The following PLXNA4 variants were observed in gnomAD, a reference collection of about 807,000 sequenced individuals.
PLXNA4 encodes plexin A4, also known as plexin-A4.
In PLXNA4, 44 loss-of-function variants were observed where a neutral mutation model predicts 191.8. That is an observed-to-expected ratio of 0.23 (90% CI 0.18 to 0.29). The LOEUF (loss-of-function observed/expected upper bound fraction) is 0.29, where lower values mean the gene tolerates loss of function less well. PLXNA4 is among the 10% of genes least tolerant of loss of function. The pLI, the probability that PLXNA4 is intolerant of heterozygous loss-of-function variation, is 1.00. For missense variants in PLXNA4, 1,800 were observed against 2,488.8 expected, an observed-to-expected ratio of 0.72 and a Z score of 5.89; for synonymous variants, 1,082 against 1,009.5, an observed-to-expected ratio of 1.07 and a Z score of -1.36.
intron 3 of PLXNA4, among the ~76,000 whole-genome samples, chr7:132,405,088 G>GTA (rs1045655509): frequency 1.5e-4 from 22 of 151,692 alleles, no homozygotes; most frequent in African/African-American, 5.3e-4. Flanking sequence ...GTGTGTGTGT[G>GTA]TGTGCATGTA....
intron 3 of PLXNA4, among the ~76,000 whole-genome samples, chr7:132,464,375 G>A (rs561744437): frequency 2.0e-5 from 3 of 152,230 alleles, no homozygotes; most frequent in Admixed American, 6.5e-5. Flanking sequence ...GTGGCATGGC[G>A]AGATGCCGTC....
intron 3 of PLXNA4, among the ~76,000 whole-genome samples, chr7:132,336,386 A>G (rs1262735707): frequency 1.3e-5 from 2 of 152,086 alleles, no homozygotes; most frequent in African/African-American, 4.8e-5. Flanking sequence ...GTCTTTCCAA[A>G]GTTTTCACAT....
chr7:132,387,650 T>C (rs1805209725), intron 3 of PLXNA4, among the ~76,000 whole-genome samples: 1 of 152,192 alleles, frequency 6.6e-6, no homozygotes, highest in Non-Finnish European at 1.5e-5. Flanking sequence ...GAGAGACATT[T>C]ATGAATCCAG....
At chr7:132,589,596 ATTCT>A (rs769966367) in intron 2 of PLXNA4, among the ~76,000 whole-genome samples, 52 of 152,314 alleles carry the variant, frequency 3.4e-4, no homozygotes, top group Non-Finnish European at 5.9e-4. Context: ...ATATCTATTC[ATTCT>A]TTCTTTTATT....
chr7:132,251,068 T>TC (rs58233600), intron 4 of PLXNA4, among the ~76,000 whole-genome samples: 2 of 147,616 alleles, frequency 1.4e-5, no homozygotes, highest in African/African-American at 2.5e-5. Flanking sequence ...TTTTTTTTTT[T>TC]GACTCTGTGT....
chr7:132,273,373 C>A (rs60111449), intron 4 of PLXNA4, among the ~76,000 whole-genome samples: 1 of 152,074 alleles, frequency 6.6e-6, no homozygotes, highest in East Asian at 1.9e-4. Flanking sequence ...CACACGCACA[C>A]ACCTCCCATC....
At position 132,325,992 on chromosome 7, in the gene PLXNA4, G is replaced by C. The variant is rs557364683; in HGVS notation, c.1372-27770C>G. Among the ~76,000 whole-genome samples the C allele has an allele frequency of 4.6e-5, 7 of 152,274 alleles. No homozygotes were observed. In the South Asian group the frequency reaches 1.5e-3, roughly 32 times the overall value. On this transcript the variant is annotated intron_variant, in intron 3 of 31. Transcript: ENST00000321063. The stretch of plus-strand genomic sequence containing the variant: ...ACGTGTCAACCTGACTGGGCTGCAG[G>C]GTGCCCAGACAGCTGGCTAAACTTT...
intron 2 of PLXNA4, among the ~76,000 whole-genome samples, chr7:132,629,592 T>C (rs779279833): frequency 6.6e-6 from 1 of 152,236 alleles, no homozygotes; most frequent in Non-Finnish European, 1.5e-5. Context: ...CTGCATCTTA[T>C]AACAACTTTT....
Position 132,176,280 on chromosome 7 carries a change from A to G in PLXNA4, c.3875-1360T>C, listed in dbSNP as rs970577441. Among the ~76,000 whole-genome samples the G allele has an allele frequency of 5.9e-5, 9 of 152,380 alleles. No individual in the cohort carries two copies. The East Asian group carries it at 1.5e-3, about 26-fold the overall frequency. On this transcript the variant is annotated intron_variant, in intron 20 of 31. Coordinates refer to ENST00000321063, the MANE Select transcript of PLXNA4 (RefSeq NM_020911.2). ...ACCTCTACACTGGCCACACAGACAC[A>G]GGGGTTCCTGATATGTAGGCTGATT...
At chr7:132,479,923 A>G (rs1299582388) in intron 3 of PLXNA4, among the ~76,000 whole-genome samples, 1 of 152,078 alleles carries the variant, frequency 6.6e-6, no homozygotes, top group Non-Finnish European at 1.5e-5. Flanking sequence ...CTCCCAAAGT[A>G]CTGAGATTAC....
chr7:132,304,967 C>A (rs1035676774), intron 3 of PLXNA4, among the ~76,000 whole-genome samples: 1 of 152,208 alleles, frequency 6.6e-6, no homozygotes, highest in African/African-American at 2.4e-5. Flanking sequence ...TCATTCTAAT[C>A]CAGGCTCATT....
chr7:132,233,586 G>T (rs1442571108), intron 5 of PLXNA4, among the ~76,000 whole-genome samples: 1 of 152,192 alleles, frequency 6.6e-6, no homozygotes, highest in Non-Finnish European at 1.5e-5. Flanking sequence ...CATCTCTAAA[G>T]ATCCAAAATT....
chr7:132,202,912 AG>A (rs1797488415), intron 11 of PLXNA4, 76 bp from the exon 12 acceptor site: 1 of 1,388,728 alleles, frequency 7.2e-7, no homozygotes, highest in Admixed American at 2.8e-5. Flanking sequence ...AGAGAGACAA[AG>A]AGTGCAGTGC....
intron 10 of PLXNA4, among the ~76,000 whole-genome samples, chr7:132,205,618 G>A (rs912596245): frequency 6.6e-6 from 1 of 152,136 alleles, no homozygotes; most frequent in Non-Finnish European, 1.5e-5. Flanking sequence ...AAGTCCCAGT[G>A]GGGAAAGGTG....
intron 4 of PLXNA4, among the ~76,000 whole-genome samples, chr7:132,296,738 G>A (rs1801096804): frequency 6.6e-6 from 1 of 152,064 alleles, no homozygotes; most frequent in African/African-American, 2.4e-5. Flanking sequence ...CAGCTCCTAG[G>A]GCCTCAGAGG....
intron 3 of PLXNA4, among the ~76,000 whole-genome samples, chr7:132,412,736 A>AC (rs1172548416): frequency 6.6e-6 from 1 of 152,074 alleles, no homozygotes; most frequent in Non-Finnish European, 1.5e-5. Context: ...GGGAAAGAGG[A>AC]CCTCTGGGGA....
intron 25 of PLXNA4, among the ~76,000 whole-genome samples, chr7:132,151,229 A>G (rs1719740358): frequency 6.6e-6 from 1 of 151,194 alleles, no homozygotes; most frequent in African/African-American, 2.4e-5. Flanking sequence ...AAGAGGAAAA[A>G]GAGGAGAAGA....
intron 20 of PLXNA4, among the ~76,000 whole-genome samples, chr7:132,175,946 G>C (rs1478911641): frequency 6.6e-6 from 1 of 152,200 alleles, no homozygotes; most frequent in Non-Finnish European, 1.5e-5. Flanking sequence ...AATATTTTGT[G>C]AACTCAGAAG....
At chr7:132,331,271 C>T (rs1192269312) in intron 3 of PLXNA4, among the ~76,000 whole-genome samples, 3 of 152,248 alleles carry the variant, frequency 2.0e-5, no homozygotes, top group Admixed American at 6.5e-5. Flanking sequence ...CCTGCCTTGG[C>T]CCCTGAACCT....
Sources: gnomAD v4.1 joint callset for allele counts (sites outside exome capture counted in the v4.1 genomes callset) on GRCh38, gnomAD v4.1.1 for gene constraint, MANE v1.5 for transcripts, NCBI Gene and HGNC (gene_info 2026-07-23, HGNC 2026-07-21) for gene names.